PRKN: variants seen among roughly 807,000 people sequenced by gnomAD.
PRKN encodes the protein parkin RBR E3 ubiquitin protein ligase.
In PRKN, 56 loss-of-function variants were observed where a neutral mutation model predicts 59.5. The observed-to-expected ratio is 0.94, with a 90% CI of 0.76 to 1.18. The LOEUF (loss-of-function observed/expected upper bound fraction) is 1.18, where lower values mean the gene tolerates loss of function less well. PRKN is among the 50% of genes most tolerant of loss of function. The pLI is 0.00. For missense variants in PRKN, 657 were observed against 596.4 expected (o/e 1.10, Z -1.06); for synonymous variants, 250 against 222.1 (o/e 1.13, Z -1.12).
intron 7 of PRKN, among the ~76,000 whole-genome samples, chr6:161,742,341 C>T (rs552862094): frequency 7.2e-5 from 11 of 152,176 alleles, no homozygotes; most frequent in Non-Finnish European, 1.6e-4. Flanking sequence ...TCTTGCTTCC[C>T]CTTTGCTTTC....
rs1042700948 is a variant in PRKN, at chr6:162,479,234, C to CT, written c.8-35762dup. 1.1e-4 allele frequency among the ~76,000 whole-genome samples: 17 copies of CT among 148,852 alleles called. No individual in the cohort carries two copies. In the East Asian group the frequency reaches 1.4e-3, roughly 12 times the overall value. ...AAAAAACAACCTTTAAAACTTTTTT[C>CT]TTTTTTTTTGAGACGGTGTCATGCT... On this transcript the variant is annotated intron_variant, in intron 1 of 11. Transcript: ENST00000366898.
chr6:161,813,154 T>C (rs1893099), intron 6 of PRKN, among the ~76,000 whole-genome samples: 6,035 of 152,230 alleles, frequency 0.04, 390 homozygotes, highest in African/African-American at 0.14. Flanking sequence ...ATGGATTCTG[T>C]TTTAACTGAC....
chr6:161,817,501 A>G (rs1345002080), intron 6 of PRKN, among the ~76,000 whole-genome samples: 1 of 152,202 alleles, frequency 6.6e-6, no homozygotes, highest in Non-Finnish European at 1.5e-5. Flanking sequence ...TGTTAAAATG[A>G]TTCCCTTTTA....
At chr6:161,766,066 T>C (rs955676244) in intron 7 of PRKN, among the ~76,000 whole-genome samples, 1 of 152,172 alleles carries the variant, frequency 6.6e-6, no homozygotes, top group Non-Finnish European at 1.5e-5. Flanking sequence ...ATAACAGAGA[T>C]CAATTAAAAT....
chr6:161,516,547 G>A (rs1183854054), intron 9 of PRKN, among the ~76,000 whole-genome samples: 1 of 149,292 alleles, frequency 6.7e-6, no homozygotes, highest in Admixed American at 6.7e-5. Context: ...AGAAAAGTGG[G>A]CTAGGTATGG....
intron 1 of PRKN, chr6:162,568,893 C>T (rs1182088934): frequency 4.3e-6 from 3 of 691,590 alleles, no homozygotes; most frequent in African/African-American, 3.5e-5. Flanking sequence ...TGAATTTATC[C>T]TCATCAGGAA....
At chr6:162,298,101 T>G (rs1468654740) in intron 2 of PRKN, among the ~76,000 whole-genome samples, 1 of 152,070 alleles carries the variant, frequency 6.6e-6, no homozygotes, top group Non-Finnish European at 1.5e-5. Flanking sequence ...TTGGGCTCCC[T>G]TGTCCTGCAA....
intron 7 of PRKN, among the ~76,000 whole-genome samples, chr6:161,718,590 C>CCTG (rs59889994): frequency 6.6e-6 from 1 of 152,018 alleles, no homozygotes; most frequent in African/African-American, 2.4e-5. Flanking sequence ...GGGTCATTCT[C>CCTG]ATTCCCTAGG....
chr6:162,563,575 A>G (rs910802272), intron 1 of PRKN, among the ~76,000 whole-genome samples: 1 of 152,192 alleles, frequency 6.6e-6, no homozygotes, highest in Non-Finnish European at 1.5e-5. Flanking sequence ...AGTGAAGACT[A>G]AAATAAGTAC....
intron 1 of PRKN, among the ~76,000 whole-genome samples, chr6:162,489,300 C>T (rs534367383): frequency 3.9e-5 from 6 of 152,178 alleles, no homozygotes; most frequent in South Asian, 4.2e-4. Flanking sequence ...TCCTCCAAAG[C>T]GACATATGAA....
At position 161,785,880 on chromosome 6, in the gene PRKN, A is replaced by T; in HGVS notation, c.763T>A (p.Ser255Thr). 1 of 1,614,120 alleles carries T rather than the reference A, an allele frequency of 6.2e-7. No individual in the cohort carries two copies. Among genetic ancestry groups the T allele is most frequent in the African/African-American group, 1.3e-5 (1 of 75,044 alleles). ...CAGTCTAAGCAAATCACGTGGCGGG[A>T]GTTGCACTGGAAAACCAGGACGGGG... ...RSPVLVFQCN[S>T]RHVICLDCFH... is the part of the protein sequence containing the mutation. The change falls in exon 7 of 12, where the codon TCC becomes ACC. Residue 255 changes from serine (S) to threonine (T), a missense_variant. Coordinates refer to ENST00000366898, the MANE Select transcript of PRKN (RefSeq NM_004562.3).
intron 8 of PRKN, among the ~76,000 whole-genome samples, chr6:161,557,263 A>T (rs1231432044): frequency 6.6e-6 from 1 of 152,206 alleles, no homozygotes; most frequent in Non-Finnish European, 1.5e-5. Flanking sequence ...TCTTAAGAAC[A>T]AAAAGTATTC....
At chr6:162,473,489 G>C (rs1791859519) in intron 1 of PRKN, among the ~76,000 whole-genome samples, 1 of 152,064 alleles carries the variant, frequency 6.6e-6, no homozygotes, top group Admixed American at 6.6e-5. Flanking sequence ...CCAATAGAAG[G>C]ACTAGTAAAG....
intron 1 of PRKN, among the ~76,000 whole-genome samples, chr6:162,681,476 C>T (rs376760762): frequency 1.3e-5 from 2 of 152,062 alleles, no homozygotes; most frequent in East Asian, 3.9e-4. Context: ...AACAAAAGGA[C>T]CAGAGACTAC....
At chr6:162,472,296 C>T (rs936654075) in intron 1 of PRKN, among the ~76,000 whole-genome samples, 15 of 150,864 alleles carry the variant, frequency 9.9e-5, no homozygotes, top group African/African-American at 3.7e-4. Context: ...TGTGGGTGTG[C>T]TGCCCCCATT....
chr6:161,695,070 A>G (rs1785962103), intron 7 of PRKN, among the ~76,000 whole-genome samples: 1 of 152,188 alleles, frequency 6.6e-6, no homozygotes, highest in Non-Finnish European at 1.5e-5. Flanking sequence ...CACAGGCTAC[A>G]GGCTCCCAGG....
At chr6:161,929,043 C>T (rs571474831) in intron 6 of PRKN, among the ~76,000 whole-genome samples, 267 of 152,094 alleles carry the variant, frequency 1.8e-3, no homozygotes, top group African/African-American at 6.0e-3. Context: ...GCAGTATTCA[C>T]GATACCCAGA....
At chr6:161,637,683 A>T (rs927119242) in intron 7 of PRKN, among the ~76,000 whole-genome samples, 3 of 149,386 alleles carry the variant, frequency 2.0e-5, no homozygotes, top group African/African-American at 7.6e-5. Flanking sequence ...AGATGAAACT[A>T]AAAAATAGAC....
chr6:161,711,602 T>C (rs1786753574), intron 7 of PRKN, among the ~76,000 whole-genome samples: 1 of 152,174 alleles, frequency 6.6e-6, no homozygotes, highest in African/African-American at 2.4e-5. Context: ...GATTGAAGGA[T>C]GCAAAGTATT....
Sources: gnomAD v4.1 joint callset for allele counts (sites outside exome capture counted in the v4.1 genomes callset) on GRCh38, gnomAD v4.1.1 for gene constraint, MANE v1.5 for transcripts, NCBI Gene and HGNC (gene_info 2026-07-23, HGNC 2026-07-21) for gene names.